The following PTPRN variants were observed in gnomAD, a reference collection of about 807,000 sequenced individuals.
PTPRN encodes receptor-type tyrosine-protein phosphatase-like N.
A neutral mutation model predicts 108.5 loss-of-function variants in PTPRN; 70 were observed. The observed-to-expected ratio is 0.65, with a 90% CI of 0.53 to 0.79. The LOEUF (loss-of-function observed/expected upper bound fraction) is 0.79. Ranked by LOEUF, PTPRN falls within the 30% of genes least tolerant of loss-of-function variation. PTPRN has a pLI of 0.00. For missense variants in PTPRN, 1,136 were observed against 1,295.5 expected, an observed-to-expected ratio of 0.88 and a Z score of 1.89; for synonymous variants, 496 against 524.6, an observed-to-expected ratio of 0.95 and a Z score of 0.75.
chr2:219,294,921 C>CCCGGCT (rs1952146782), intron 19 of PTPRN, 54 bp downstream of exon 19: 1 of 1,392,692 alleles, frequency 7.2e-7, no homozygotes, highest in Non-Finnish European at 9.3e-7. Flanking sequence ...GCGGGCGGAC[C>CCCGGCT]CCGGCTCCGC....
intron 20 of PTPRN, 78 bp downstream of exon 20, chr2:219,291,392 A>C: frequency 6.7e-7 from 1 of 1,499,978 alleles, no homozygotes; most frequent in East Asian, 2.3e-5. Context: ...TGCTAGCACC[A>C]AGGGGACAGG....
chr2:219,295,244 C>T (rs1258402498), intron 18 of PTPRN, 103 bp from the exon 19 acceptor site: 3 of 1,301,942 alleles, frequency 2.3e-6, no homozygotes, highest in Non-Finnish European at 3.2e-6. Context: ...CACCGCCCGG[C>T]CTCCCAGGCC....
rs769491395 is a variant in PTPRN at position 219,297,900 on chromosome 2, A to C, written c.1872T>G (p.Thr624=). 6.2e-7 allele frequency: 1 copy of C among 1,610,190 alleles called. No individual in the cohort carries two copies. Among genetic ancestry groups the C allele is most frequent in the Non-Finnish European group, 8.5e-7 (1 of 1,179,098 alleles). The change falls in exon 13 of 23, where the codon ACT becomes ACG. Residue 624 remains threonine (T), a synonymous_variant. Transcript: ENST00000295718. This position sits in a 1 kb window ranked among gnomAD's most constrained non-coding sequence, Gnocchi z 6.0. ...GGCTGCACACCTGGTACTCAAAGGT[A>C]GTGTCACCATGGGCCCCCTCAGGCC... ...ALGPEGAHGD[T]TFEYQDLCRQ...
rs749884442 is a variant in PTPRN, at chr2:219,300,109, G to T, written c.1312C>A (p.Pro438Thr). 1.6e-5 allele frequency: 26 copies of T among 1,614,048 alleles called. No homozygotes were observed. Among genetic ancestry groups the T allele is most frequent in the Non-Finnish European group, 2.2e-5 (26 of 1,180,014 alleles). Residue 438 changes from proline to threonine, a missense_variant, in exon 9 of 23, where the codon CCC becomes ACC. By Grantham distance (38) the Pro-to-Thr change is conservative. Coordinates refer to ENST00000295718, the MANE Select transcript of PTPRN (RefSeq NM_002846.4). ...VSSEPPKAAR[P>T]PVTPVLLEKK... ...TCTAGCAGGACAGGTGTCACAGGGG[G>T]TCTGGCAGCTTTGGGAGGCTCAGAG...
chr2:219,293,482 G>A (rs976375126), intron 19 of PTPRN, among the ~76,000 whole-genome samples: 7 of 152,170 alleles, frequency 4.6e-5, no homozygotes, highest in Admixed American at 3.3e-4. Flanking sequence ...GCCCGGCCCC[G>A]AACTGCATTT....
In PTPRN at chr2:219,297,430, G is replaced by A. The variant is rs1952230636; in HGVS notation, c.1891C>T (p.Leu631=). The change falls in exon 14 of 23, where the codon CTG becomes TTG. Residue 631 remains leucine, a synonymous_variant. Coordinates refer to ENST00000295718, the MANE Select transcript of PTPRN (RefSeq NM_002846.4). This position sits in a 1 kb window ranked among gnomAD's most constrained non-coding sequence, Gnocchi z 6.0. The part of the protein sequence containing the change: ...HGDTTFEYQD[L]CRQHMATKSL... ...TTCGTGGCCATGTGCTGGCGGCACA[G>A]GTCCTGTGGAGGAAGAATCAGGTGA... 2 of 1,613,952 alleles carry A rather than the reference G, an allele frequency of 1.2e-6. No homozygotes were observed. The highest frequency in any genetic ancestry group is 3.3e-5 in the Admixed American group (2 of 59,998).
chr2:219,309,309 C>G lies in PTPRN; in HGVS notation c.24G>C (p.Gly8=). The change falls in exon 1 of 23, where the codon GGG becomes GGC. Residue 8 remains glycine (G), a synonymous_variant. Coordinates refer to ENST00000295718, the MANE Select transcript of PTPRN (RefSeq NM_002846.4). MRRPRRP[G]GLGGSGGLRL... ...GGAGACCCCCGGATCCCCCGAGACCCCCAGGCCGCCGCGGGCGCCGCATCT... is the reference window on the plus strand; with the variant it reads ...GGAGACCCCCGGATCCCCCGAGACCGCCAGGCCGCCGCGGGCGCCGCATCT... 6.7e-7 allele frequency: 1 copy of G among 1,492,798 alleles called. No homozygotes were observed. The highest frequency in any genetic ancestry group is 8.9e-7 in the Non-Finnish European group (1 of 1,125,336). 92.5% of individuals were successfully genotyped at this position (1,492,798 alleles called of 1,614,324 possible).
At position 219,290,545 on chromosome 2, in the gene PTPRN, C is replaced by T. The variant is rs372873328; in HGVS notation, c.2861G>A (p.Arg954His). The T allele has an allele frequency of 1.9e-5, 30 of 1,551,546 alleles. No individual in the cohort carries two copies. The highest frequency in any genetic ancestry group is 1.4e-4 in the African/African-American group (10 of 73,158). Residue 954 changes from arginine (R) to histidine (H), a missense_variant, in exon 22 of 23, where the codon CGC (arginine) becomes CAC (histidine). By Grantham distance (29) the Arg-to-His change is conservative. Coordinates refer to ENST00000295718, the MANE Select transcript of PTPRN (RefSeq NM_002846.4). This position sits in a 1 kb window ranked among gnomAD's most constrained non-coding sequence, Gnocchi z 4.2. ...HVRDQRPGLV[R>H]SKDQFEFALT... ...GCAGGAAGGCATGGTCACCTTAGAG[C>T]GGACAAGGCCAGGCCGCTGGTCACG...
At chr2:219,294,212 AAG>A (rs761529158) in intron 19 of PTPRN, 1 of 473,760 alleles carries the variant, frequency 2.1e-6, no homozygotes, top group South Asian at 1.5e-5. Flanking sequence ...GAGAGAGAGA[AAG>A]AGGGAAGAAG....
chr2:219,309,150 G>T, intron 1 of PTPRN, 68 bp downstream of exon 1: 2 of 1,356,320 alleles, frequency 1.5e-6, no homozygotes, highest in South Asian at 2.5e-5. Context: ...CACCCCCACC[G>T]AGTTTCGCTC....
intron 18 of PTPRN, 168 bp from the exon 19 acceptor site, chr2:219,295,309 CTA>C: frequency 3.0e-6 from 2 of 666,862 alleles, no homozygotes; most frequent in Admixed American, 3.1e-5. Flanking sequence ...TGTCACTTAT[CTA>C]CTGCTCAGGA....
At position 219,299,616 on chromosome 2, in the gene PTPRN, C is replaced by T. The variant is rs1201418664; in HGVS notation, c.1523+84G>A. On this transcript the variant is annotated intron_variant, in intron 10 of 22. Coordinates refer to ENST00000295718, the MANE Select transcript of PTPRN (RefSeq NM_002846.4). ...CTGAGCTCAGAGCTTGTCTGCTCTT[C>T]CTCCCGCAGGCCCCTCCAGCCACCT... 12 of 1,358,616 alleles carry T rather than the reference C, an allele frequency of 8.8e-6. No individual in the cohort carries two copies. In the South Asian group the frequency reaches 1.5e-4, roughly 17 times the overall value. The allele number at this position is 1,358,616 out of a possible 1,614,324, so 84.2% of individuals were successfully genotyped here. A position where few individuals can be genotyped will look rare whatever the true frequency, so the allele number is the denominator to read the frequency against.
chr2:219,303,569 C>T (rs1390204902), intron 4 of PTPRN, among the ~76,000 whole-genome samples, 166 bp downstream of exon 4: 2 of 152,258 alleles, frequency 1.3e-5, no homozygotes, highest in African/African-American at 4.8e-5. Flanking sequence ...CTCAGCTCCT[C>T]TTGGTCATGT....
In PTPRN at chr2:219,299,292, C is replaced by T; in HGVS notation, c.1603+13G>A. ...GGGGCCAAGCCTGGGATTGAGGTCG[C>T]AGAGATATTTACCTGCTTGTTGGGT... On this transcript the variant is annotated intron_variant, in intron 11 of 22. Transcript: ENST00000295718. The T allele has an allele frequency of 6.2e-7, 1 of 1,613,780 alleles. No homozygotes were observed.
intron 18 of PTPRN, 36 bp from the exon 19 acceptor site, chr2:219,295,177 C>A (rs1247357884): frequency 1.3e-6 from 2 of 1,590,438 alleles, no homozygotes; most frequent in Admixed American, 3.6e-5. Context: ...GCGCCGCGGG[C>A]TGCCCCAGTC....
chr2:219,299,941 C>G, intron 9 of PTPRN, 44 bp downstream of exon 9: 3 of 1,608,878 alleles, frequency 1.9e-6, no homozygotes, highest in Non-Finnish European at 2.5e-6. Flanking sequence ...CAGGCCAGCC[C>G]AAATCCTAGC....
In PTPRN at chr2:219,299,720, T is replaced by A; in HGVS notation, c.1503A>T (p.Ser501=). Residue 501 remains serine (S), a synonymous_variant, in exon 10 of 23, where the codon TCA becomes TCT. Coordinates refer to ENST00000295718, the MANE Select transcript of PTPRN (RefSeq NM_002846.4). ...CCCACCTGATGTTGATGAAGCTGCC[T>A]GAGGACATGTGCACATGCTCAGCCA... ...EILAEHVHMS[S]GSFINISVVG... 1 of 1,604,796 alleles carries A rather than the reference T, an allele frequency of 6.2e-7. No individual in the cohort carries two copies. Among genetic ancestry groups the A allele is most frequent in the Non-Finnish European group, 8.5e-7 (1 of 1,172,804 alleles).
rs946537910 is a variant in PTPRN, at chr2:219,297,649, A to C, written c.1888-216T>G. On this transcript the variant is annotated intron_variant, in intron 13 of 22. Transcript: ENST00000295718. This position sits in a 1 kb window ranked among gnomAD's most constrained non-coding sequence, Gnocchi z 6.0. ...CTCAGACATGACAGAGTGGAATCCCAGAGCCCCAGAAGCACAGCACCAAGA... is the reference window on the plus strand; with the variant it reads ...CTCAGACATGACAGAGTGGAATCCCCGAGCCCCAGAAGCACAGCACCAAGA... Among the ~76,000 whole-genome samples the C allele has an allele frequency of 5.3e-5, 8 of 152,134 alleles. No individual in the cohort carries two copies. The highest frequency in any genetic ancestry group is 1.9e-4 in the African/African-American group (8 of 41,430).
In PTPRN at chr2:219,296,108, C is replaced by G. The variant is rs1952187453; in HGVS notation, c.2508+118G>C. ...TATATGTATGAATCATGAGCAGGGC[C>G]AATAAAAGCCTTTTTAAAAAGACTG... is the stretch of plus-strand genomic sequence containing the variant. On this transcript the variant is annotated intron_variant, in intron 18 of 22. Transcript: ENST00000295718. This position sits in a 1 kb window ranked among gnomAD's most constrained non-coding sequence, Gnocchi z 6.0. The G allele has an allele frequency of 7.1e-7, 1 of 1,416,656 alleles. No homozygotes were observed. The highest frequency in any genetic ancestry group is 9.8e-7 in the Non-Finnish European group (1 of 1,024,304). The allele number at this position is 1,416,656 out of a possible 1,614,324, so 87.8% of individuals were successfully genotyped here. A position where few individuals can be genotyped will look rare whatever the true frequency, so the allele number is the denominator to read the frequency against.
Sources: allele counts gnomAD v4.1 joint callset (sites outside exome capture counted in the v4.1 genomes callset), GRCh38; gene constraint gnomAD v4.1.1; non-coding constraint Gnocchi (gnomAD v3.1); transcripts MANE v1.5; gene names NCBI Gene and HGNC (gene_info 2026-07-23, HGNC 2026-07-21).